The following NAV3 variants were observed in gnomAD, a reference collection of about 807,000 sequenced individuals.
NAV3 encodes neuron navigator 3.
A neutral mutation model predicts 244.7 loss-of-function variants in NAV3; 87 were observed. The ratio of observed to expected loss-of-function variants is 0.36; its 90% CI spans 0.30 to 0.42. NAV3 has a LOEUF of 0.42. NAV3 is among the 20% of genes least tolerant of loss of function. The pLI is 1.00. For synonymous variants in NAV3, 1,126 were observed against 1,042.2 expected, an observed-to-expected ratio of 1.08 and a Z score of -1.55; for missense variants, 2,663 against 2,893.3, an observed-to-expected ratio of 0.92 and a Z score of 1.83.
At chr12:78,118,488 A>G (rs1450176523) in intron 14 of NAV3, among the ~76,000 whole-genome samples, 191 bp downstream of exon 14, 1 of 152,236 alleles carries the variant, frequency 6.6e-6, no homozygotes, top group African/African-American at 2.4e-5. Flanking sequence ...AGTAGGGCCT[A>G]TATCTAGGCA....
chr12:77,747,185 C>A (rs904498152), intron 2 of NAV3, among the ~76,000 whole-genome samples: 2 of 151,984 alleles, frequency 1.3e-5, no homozygotes, highest in East Asian at 3.8e-4. Context: ...TACTGTTTGC[C>A]AGATTAAAAC....
intron 2 of NAV3, among the ~76,000 whole-genome samples, chr12:77,657,678 C>A (rs994439986): frequency 3.3e-5 from 5 of 152,178 alleles, no homozygotes; most frequent in African/African-American, 1.2e-4. Context: ...AGACCAATAT[C>A]CTTGATGAAC....
intron 5 of NAV3, among the ~76,000 whole-genome samples, chr12:77,992,021 C>CA (rs879814338): frequency 0.018 from 2,521 of 138,808 alleles, 70 homozygotes; most frequent in African/African-American, 0.06. Flanking sequence ...GACTCCATCT[C>CA]AAAAAAAAAA....
intron 2 of NAV3, among the ~76,000 whole-genome samples, chr12:77,654,480 G>C (rs1205299211): frequency 6.6e-6 from 1 of 152,200 alleles, no homozygotes; most frequent in African/African-American, 2.4e-5. Context: ...GCCCACCACA[G>C]CTCATGGAGG....
At chr12:77,613,578 G>A (rs940736945) in intron 2 of NAV3, among the ~76,000 whole-genome samples, 10 of 152,108 alleles carry the variant, frequency 6.6e-5, no homozygotes, top group African/African-American at 2.2e-4. Flanking sequence ...AGAGTACAGC[G>A]AAGGGAAATT....
At chr12:78,117,158 CATATATATATATATAT>C (rs377148138) in intron 13 of NAV3, among the ~76,000 whole-genome samples, 3 of 70,370 alleles carry the variant, frequency 4.3e-5, no homozygotes, top group African/African-American at 5.4e-5. Context: ...ACAGAAGCAG[CATATATATATATATAT>C]ATATATATAT....
At chr12:77,775,486 A>G (rs1181239646) in intron 2 of NAV3, among the ~76,000 whole-genome samples, 1 of 152,048 alleles carries the variant, frequency 6.6e-6, no homozygotes, top group Non-Finnish European at 1.5e-5. Flanking sequence ...GATCTAGCCA[A>G]TGGAGCTCAC....
At chr12:77,915,076 G>A (rs771866283) in intron 1 of NAV3, among the ~76,000 whole-genome samples, 1 of 151,980 alleles carries the variant, frequency 6.6e-6, no homozygotes, top group Non-Finnish European at 1.5e-5. Flanking sequence ...AAATCTGAAT[G>A]TCTTCCTTCA....
chr12:77,632,918 G>A (rs1684788496), intron 2 of NAV3, among the ~76,000 whole-genome samples: 1 of 152,044 alleles, frequency 6.6e-6, no homozygotes, highest in African/African-American at 2.4e-5. Flanking sequence ...GTGCCTGATA[G>A]GTACCTAGAA....
intron 12 of NAV3, among the ~76,000 whole-genome samples, chr12:78,108,499 T>C (rs967770577): frequency 7.2e-5 from 11 of 152,082 alleles, no homozygotes; most frequent in Non-Finnish European, 1.2e-4. Flanking sequence ...CACTGCAAAA[T>C]GAAATTTGTG....
chr12:77,667,906 G>T (rs1873791434), intron 2 of NAV3, among the ~76,000 whole-genome samples: 2 of 152,138 alleles, frequency 1.3e-5, no homozygotes, highest in Admixed American at 1.3e-4. Flanking sequence ...TCACTCCCCT[G>T]CTACCTCCAC....
At chr12:77,921,054 C>T (rs1270896479) in intron 1 of NAV3, among the ~76,000 whole-genome samples, 2 of 151,988 alleles carry the variant, frequency 1.3e-5, no homozygotes, top group Admixed American at 6.6e-5. Context: ...ATTCTTAAGG[C>T]TCATCTGCCA....
At chr12:77,984,797 A>G (rs1006817863) in intron 5 of NAV3, among the ~76,000 whole-genome samples, 5 of 152,184 alleles carry the variant, frequency 3.3e-5, no homozygotes, top group African/African-American at 7.2e-5. Flanking sequence ...TTTGATTTCC[A>G]TTAAATATAA....
At chr12:77,677,883 C>T (rs564738650) in intron 2 of NAV3, among the ~76,000 whole-genome samples, 1 of 152,278 alleles carries the variant, frequency 6.6e-6, no homozygotes, top group East Asian at 1.9e-4. Context: ...ATTGCTGAGA[C>T]TGCCTGCTTT....
At chr12:78,198,983 C>G (rs1959315533) in intron 36 of NAV3, 1 of 444,234 alleles carries the variant, frequency 2.3e-6, no homozygotes, top group African/African-American at 2.0e-5. Context: ...TCACTATGTC[C>G]CTGGTTAAAG....
chr12:78,069,237 TG>T (rs1272855007), intron 12 of NAV3, among the ~76,000 whole-genome samples: 4 of 152,024 alleles, frequency 2.6e-5, no homozygotes, highest in Non-Finnish European at 5.9e-5. Flanking sequence ...AGCTCCCATA[TG>T]TTTTTTTAGG....
At chr12:78,088,523 A>G (rs937664939) in intron 12 of NAV3, among the ~76,000 whole-genome samples, 2 of 152,228 alleles carry the variant, frequency 1.3e-5, no homozygotes, top group Non-Finnish European at 1.5e-5. Context: ...AAAATCACAG[A>G]TGCTGCTAAT....
intron 2 of NAV3, among the ~76,000 whole-genome samples, chr12:77,752,967 T>TA (rs1868938604): frequency 6.6e-6 from 1 of 152,164 alleles, no homozygotes; most frequent in Non-Finnish European, 1.5e-5. Flanking sequence ...AAGCCAAAGA[T>TA]ACAGTCTTAG....
intron 38 of NAV3, among the ~76,000 whole-genome samples, chr12:78,202,899 CA>C (rs1206092817): frequency 6.6e-6 from 1 of 152,020 alleles, no homozygotes; most frequent in Non-Finnish European, 1.5e-5. Context: ...TTACTGGCAA[CA>C]AAGAATCTTG....
Sources: allele counts gnomAD v4.1 joint callset (sites outside exome capture counted in the v4.1 genomes callset), GRCh38; gene constraint gnomAD v4.1.1; transcripts MANE v1.5; gene names NCBI Gene and HGNC (gene_info 2026-07-23, HGNC 2026-07-21).